TBC1D8: variants seen among roughly 807,000 people sequenced by gnomAD.
TBC1D8 encodes the protein BUB2-like protein 1.
Under a neutral mutation model 118.8 loss-of-function variants are expected in TBC1D8, and 65 were observed. That is an observed-to-expected ratio of 0.55 (90% CI 0.45 to 0.67). The LOEUF is 0.67. Among genes scored for constraint, TBC1D8 ranks in the 30% least tolerant of loss-of-function variants. The pLI, the probability that TBC1D8 is intolerant of heterozygous loss-of-function variation, is 0.00. For synonymous variants in TBC1D8, 566 were observed against 595.8 expected, an observed-to-expected ratio of 0.95 and a Z score of 0.73; for missense variants, 1,376 against 1,471.2, an observed-to-expected ratio of 0.94 and a Z score of 1.06.
At chr2:101,045,295 G>T (rs773915346) in intron 5 of TBC1D8, among the ~76,000 whole-genome samples, 26 of 152,298 alleles carry the variant, frequency 1.7e-4, no homozygotes, top group Non-Finnish European at 3.2e-4. Context: ...AGTTATATTT[G>T]TCTCTCCTAC....
Position 101,054,667 on chromosome 2 carries a change from CTTTTCTTTTTT to C in TBC1D8, c.403-342_403-332del, listed in dbSNP as rs1421437508. On this transcript the variant is annotated intron_variant, in intron 3 of 19. Coordinates refer to ENST00000409318, the MANE Select transcript of TBC1D8 (RefSeq NM_001330348.2). ...CTCAAACAAACAATCATTTTCTTTT[CTTTTCTTTTTT>C]TTTTTTTTTTTTTTTTTTTTGGAGA... Among the ~76,000 whole-genome samples the C allele has an allele frequency of 1.0e-3, 22 of 21,306 alleles. 3 individuals carry two copies. Among genetic ancestry groups the C allele is most frequent in the South Asian group, 6.8e-3 (3 of 444 alleles). The allele number at this position is 21,306 out of a possible 152,430, so 14.0% of individuals were successfully genotyped here.
At chr2:101,148,180 C>G (rs1032070007) in intron 1 of TBC1D8, among the ~76,000 whole-genome samples, 8 of 152,206 alleles carry the variant, frequency 5.3e-5, no homozygotes, top group Admixed American at 5.2e-4. Context: ...CCCACCCACA[C>G]CCCTCCAGCT....
At chr2:101,032,625 G>T (rs1680739380) in intron 10 of TBC1D8, 1 of 451,948 alleles carries the variant, frequency 2.2e-6, no homozygotes, top group Non-Finnish European at 4.0e-6. Flanking sequence ...TAGCAATGTG[G>T]AATTTAGCTG....
intron 1 of TBC1D8, among the ~76,000 whole-genome samples, chr2:101,140,805 C>T (rs377239460): frequency 1.8e-4 from 27 of 147,528 alleles, no homozygotes; most frequent in African/African-American, 6.8e-4. Flanking sequence ...TCTTGTCGCT[C>T]AGGCTGGAGT....
chr2:101,037,975 C>T (rs1681131205), intron 7 of TBC1D8, among the ~76,000 whole-genome samples: 1 of 152,150 alleles, frequency 6.6e-6, no homozygotes, highest in African/African-American at 2.4e-5. Flanking sequence ...GCCCCAGCCT[C>T]CCCTCAGCTT....
At chr2:101,048,667 T>TGAAG (rs10644130) in intron 5 of TBC1D8, among the ~76,000 whole-genome samples, 113,770 of 151,316 alleles carry the variant, frequency 0.75, 42,868 homozygotes, top group Admixed American at 0.78. Flanking sequence ...AGGCCATGAA[T>TGAAG]GGACACTCTC....
intron 1 of TBC1D8, among the ~76,000 whole-genome samples, chr2:101,142,770 A>G (rs141188002): frequency 6.6e-6 from 1 of 152,328 alleles, no homozygotes; most frequent in East Asian, 1.9e-4. Flanking sequence ...ACTATAAAGA[A>G]AAGCAAGTCA....
intron 1 of TBC1D8, among the ~76,000 whole-genome samples, chr2:101,134,191 TCTCTCTCACACACACACA>T (rs1480946926): frequency 2.2e-4 from 21 of 96,224 alleles, no homozygotes; most frequent in African/African-American, 9.1e-4. Context: ...TCTCTCTCTC[TCTCTCTCACACACACACA>T]CACACACACA....
intron 17 of TBC1D8, among the ~76,000 whole-genome samples, chr2:101,014,459 T>C (rs1679465131): frequency 6.6e-6 from 1 of 152,254 alleles, no homozygotes; most frequent in Non-Finnish European, 1.5e-5. Flanking sequence ...TGTGAGATGC[T>C]GACCTTTGCA....
At chr2:101,112,694 C>T (rs541456348) in intron 1 of TBC1D8, among the ~76,000 whole-genome samples, 88 of 152,206 alleles carry the variant, frequency 5.8e-4, no homozygotes, top group Non-Finnish European at 1.1e-3. Flanking sequence ...TGGCCACTCA[C>T]GGTCCTGATG....
chr2:101,038,775 G>T, intron 6 of TBC1D8, 120 bp from the exon 7 acceptor site: 1 of 1,152,542 alleles, frequency 8.7e-7, no homozygotes, highest in Non-Finnish European at 1.2e-6. Context: ...AGGAGATGAT[G>T]CAATGGCGAG....
At chr2:101,116,508 T>C (rs1048605130) in intron 1 of TBC1D8, among the ~76,000 whole-genome samples, 12 of 152,122 alleles carry the variant, frequency 7.9e-5, no homozygotes, top group African/African-American at 2.9e-4. Context: ...AGGCTGAATT[T>C]TGGAAGGGGC....
chr2:101,023,728 C>T (rs1374879135), intron 15 of TBC1D8: 1 of 359,150 alleles, frequency 2.8e-6, no homozygotes, highest in Non-Finnish European at 5.6e-6. Context: ...GCATCATTTC[C>T]ACCCATACTA....
intron 1 of TBC1D8, among the ~76,000 whole-genome samples, chr2:101,120,897 G>C (rs1678068134): frequency 6.6e-6 from 1 of 152,156 alleles, no homozygotes; most frequent in South Asian, 2.1e-4. Context: ...GCCTGAGTGG[G>C]ACAATGACAC....
intron 15 of TBC1D8, among the ~76,000 whole-genome samples, chr2:101,025,916 GA>G (rs1680311814): frequency 6.6e-6 from 1 of 152,162 alleles, no homozygotes; most frequent in Admixed American, 6.5e-5. Flanking sequence ...TCACAGACCT[GA>G]ATTTATGTGA....
At chr2:101,043,364 C>T (rs1277849906) in intron 5 of TBC1D8, among the ~76,000 whole-genome samples, 3 of 152,210 alleles carry the variant, frequency 2.0e-5, no homozygotes, top group African/African-American at 7.2e-5. Flanking sequence ...TGGAAAACTT[C>T]CATCCTTGTC....
chr2:101,033,460 C>G (rs778344252), intron 10 of TBC1D8, 84 bp downstream of exon 10: 1 of 1,526,286 alleles, frequency 6.6e-7, no homozygotes, highest in Non-Finnish European at 9.0e-7. Context: ...GACCAGATGA[C>G]TGGGAATGCA....
chr2:101,025,041 T>C (rs1478504524), intron 15 of TBC1D8, among the ~76,000 whole-genome samples: 5 of 152,174 alleles, frequency 3.3e-5, no homozygotes, highest in Non-Finnish European at 7.4e-5. Context: ...CTGCAGGTAT[T>C]ATATATACCA....
At position 101,145,173 on chromosome 2, in the gene TBC1D8, C is replaced by T. The variant is rs142264429; in HGVS notation, c.127+5954G>A. ...CCTTATATTATCTCCTGGAGTGACA[C>T]AGTCCGTGCCTTGTTTGATTATCTC... is the stretch of plus-strand genomic sequence containing the variant. On this transcript the variant is annotated intron_variant, in intron 1 of 19. Transcript: ENST00000409318. 3.3e-5 allele frequency among the ~76,000 whole-genome samples: 5 copies of T among 152,328 alleles called. No individual in the cohort carries two copies. The East Asian group carries it at 9.6e-4, about 29-fold the overall frequency.
Sources: gnomAD v4.1 joint callset for allele counts (sites outside exome capture counted in the v4.1 genomes callset) on GRCh38, gnomAD v4.1.1 for gene constraint, MANE v1.5 for transcripts, NCBI Gene and HGNC (gene_info 2026-07-23, HGNC 2026-07-21) for gene names.